The following EIPR1 variants were observed in gnomAD, a reference collection of about 807,000 sequenced individuals.
The protein encoded by EIPR1 is EARP and GARP complex-interacting protein 1.
Under a neutral mutation model 48.1 loss-of-function variants are expected in EIPR1, and 25 were observed. The ratio of observed to expected loss-of-function variants is 0.52; its 90% confidence interval spans 0.38 to 0.73. EIPR1 has a LOEUF of 0.73. EIPR1 is among the 30% of genes least tolerant of loss of function. The probability of loss-of-function intolerance (pLI) is 0.00; values close to 1 mark genes in which losing one functional copy is unlikely to be tolerated. For synonymous variants in EIPR1, 204 were observed against 201.9 expected (o/e 1.01, Z -0.09); for missense variants, 415 against 506.2 (o/e 0.82, Z 1.73).
chr2:3,337,948 CA>C, intron 3 of EIPR1, 68 bp downstream of exon 3: 1 of 1,522,706 alleles, frequency 6.6e-7, no homozygotes, highest in Non-Finnish European at 8.8e-7. Context: ...ATTAGCAATA[CA>C]AAACCCGTCT....
chr2:3,279,709 C>T lies in EIPR1; in HGVS notation c.260-22254G>A, dbSNP rs533018764. Among the ~76,000 whole-genome samples, 40 of 152,348 alleles carry T rather than the reference C, an allele frequency of 2.6e-4. No individual in the cohort carries two copies. In the South Asian group the frequency reaches 7.0e-3, roughly 27 times the overall value. On this transcript the variant is annotated intron_variant, in intron 3 of 8. Transcript: ENST00000382125. ...TGCCCAGGCACGAGGGTCGGGACAG[C>T]GGCCTGCTCATCTGTGCAACTGCAG...
chr2:3,190,958 G>C (rs1664585133), intron 8 of EIPR1, among the ~76,000 whole-genome samples: 2 of 33,308 alleles, frequency 6.0e-5, no homozygotes, highest in South Asian at 1.1e-3. Flanking sequence ...GCCAGACATG[G>C]TGCCATGGGC....
chr2:3,330,609 G>T (rs1397991073), intron 3 of EIPR1, among the ~76,000 whole-genome samples: 1 of 151,064 alleles, frequency 6.6e-6, no homozygotes, highest in East Asian at 2.0e-4. Context: ...ATGCACTCGT[G>T]AGATGGTGTG....
chr2:3,375,300 C>G (rs149431056), intron 1 of EIPR1, among the ~76,000 whole-genome samples: 2,426 of 150,570 alleles, frequency 0.016, 72 homozygotes, highest in African/African-American at 0.057. Context: ...TTAATGGGTG[C>G]AGCACACCAG....
At chr2:3,242,920 C>T (rs1385365244) in intron 4 of EIPR1, among the ~76,000 whole-genome samples, 1 of 152,140 alleles carries the variant, frequency 6.6e-6, no homozygotes, top group Non-Finnish European at 1.5e-5. Context: ...AAGGAAACTC[C>T]GAGAATCACA....
At chr2:3,228,620 G>A (rs1666139436) in intron 4 of EIPR1, among the ~76,000 whole-genome samples, 1 of 152,180 alleles carries the variant, frequency 6.6e-6, no homozygotes, top group African/African-American at 2.4e-5. Context: ...GAATGATATG[G>A]TTTGGCTGTG....
chr2:3,200,233 T>C (rs1386294030), intron 5 of EIPR1, among the ~76,000 whole-genome samples: 4 of 152,138 alleles, frequency 2.6e-5, no homozygotes, highest in Admixed American at 2.6e-4. Context: ...GCTCCTTCTT[T>C]TGTTTATGGA....
chr2:3,230,826 C>A (rs1413979872), intron 4 of EIPR1, among the ~76,000 whole-genome samples: 1 of 152,096 alleles, frequency 6.6e-6, no homozygotes, highest in Non-Finnish European at 1.5e-5. Context: ...TCTACTTATT[C>A]AAGGTATTTT....
chr2:3,307,462 A>T (rs1353960661), intron 3 of EIPR1, among the ~76,000 whole-genome samples: 1 of 152,244 alleles, frequency 6.6e-6, no homozygotes, highest in Non-Finnish European at 1.5e-5. Flanking sequence ...CTGGGGCCCC[A>T]GAAAGCAGGC....
intron 3 of EIPR1, among the ~76,000 whole-genome samples, chr2:3,328,994 C>T (rs1410678201): frequency 1.1e-5 from 1 of 87,954 alleles, no homozygotes; most frequent in Non-Finnish European, 2.1e-5. Context: ...CCACCCACCA[C>T]GTTCTAATGA....
intron 5 of EIPR1, among the ~76,000 whole-genome samples, chr2:3,200,925 G>A (rs886772565): frequency 2.0e-5 from 3 of 152,200 alleles, no homozygotes; most frequent in African/African-American, 7.2e-5. Flanking sequence ...CTATGGGCAG[G>A]GAGGTGGCAG....
At chr2:3,261,104 C>T (rs1434977771) in intron 3 of EIPR1, among the ~76,000 whole-genome samples, 4 of 152,026 alleles carry the variant, frequency 2.6e-5, no homozygotes, top group African/African-American at 4.8e-5. Context: ...TAAATGTGGT[C>T]GGGTGACGGT....
intron 3 of EIPR1, chr2:3,262,112 A>G (rs1667351584): frequency 6.6e-6 from 1 of 152,034 alleles, no homozygotes; most frequent in Non-Finnish European, 1.5e-5. Flanking sequence ...TGATGTGTGT[A>G]CACAGACCGT....
At chr2:3,294,024 AAAT>A (rs1668451544) in intron 3 of EIPR1, among the ~76,000 whole-genome samples, 1 of 152,174 alleles carries the variant, frequency 6.6e-6, no homozygotes, top group Admixed American at 6.5e-5. Flanking sequence ...TCCAAAGTGC[AAAT>A]AATGTTTTCA....
rs376278461 is a variant in EIPR1, at chr2:3,324,822, C to A, written c.259+13195G>T. Among the ~76,000 whole-genome samples the A allele has an allele frequency of 1.6e-3, 236 of 149,202 alleles. 1 individual carries two copies. The highest frequency in any genetic ancestry group is 0.01 in the Middle Eastern group (3 of 292). On this transcript the variant is annotated intron_variant, in intron 3 of 8. Coordinates refer to ENST00000382125, the MANE Select transcript of EIPR1 (RefSeq NM_003310.5). Reference sequence around the variant, plus strand: ...CTCAGACTTCCGAAGTGGCCGCTGCCGCGCCTCCAGCACCTCGGGGGGAGG... The same window carrying A: ...CTCAGACTTCCGAAGTGGCCGCTGCAGCGCCTCCAGCACCTCGGGGGGAGG...
chr2:3,244,171 T>C (rs1225993270), intron 4 of EIPR1, among the ~76,000 whole-genome samples: 1 of 152,228 alleles, frequency 6.6e-6, no homozygotes, highest in Non-Finnish European at 1.5e-5. Context: ...TCCCTGGGTC[T>C]TCTCAGCAAG....
chr2:3,239,493 T>A (rs1158365430), intron 4 of EIPR1, among the ~76,000 whole-genome samples: 7 of 152,294 alleles, frequency 4.6e-5, no homozygotes, highest in East Asian at 1.9e-4. Flanking sequence ...GATTTGGCCA[T>A]GAGGTGGATC....
chr2:3,310,447 A>ATC (rs1233109063), intron 3 of EIPR1, among the ~76,000 whole-genome samples: 5 of 144,192 alleles, frequency 3.5e-5, no homozygotes, highest in Non-Finnish European at 7.5e-5. Context: ...AGGTCAGGAG[A>ATC]CTGAGACCAT....
At chr2:3,313,225 G>T (rs115071879) in intron 3 of EIPR1, among the ~76,000 whole-genome samples, 1 of 152,210 alleles carries the variant, frequency 6.6e-6, no homozygotes, top group Non-Finnish European at 1.5e-5. Context: ...GGTGAAAGGG[G>T]TGCTGAGAGG....
Sources: allele counts gnomAD v4.1 joint callset (sites outside exome capture counted in the v4.1 genomes callset), GRCh38; gene constraint gnomAD v4.1.1; transcripts MANE v1.5; gene names NCBI Gene and HGNC (gene_info 2026-07-23, HGNC 2026-07-21).